The following CUBN variants were observed in gnomAD, a reference collection of about 807,000 sequenced individuals.
CUBN encodes cubilin.
Under a neutral mutation model 405.3 loss-of-function variants are expected in CUBN, and 282 were observed. The ratio of observed to expected loss-of-function variants is 0.70; its 90% CI spans 0.63 to 0.77. The LOEUF (loss-of-function observed/expected upper bound fraction) is 0.77. CUBN is among the 30% of genes least tolerant of loss of function. The probability of loss-of-function intolerance (pLI) is 0.00; values close to 1 mark genes in which losing one functional copy is unlikely to be tolerated. For missense variants in CUBN, 4,514 were observed against 4,475.2 expected, an observed-to-expected ratio of 1.01 and a Z score of -0.25; for synonymous variants, 1,684 against 1,617.0, an observed-to-expected ratio of 1.04 and a Z score of -0.99.
intron 27 of CUBN, among the ~76,000 whole-genome samples, chr10:17,035,518 T>C (rs1834876636): frequency 6.6e-6 from 1 of 152,134 alleles, no homozygotes; most frequent in African/African-American, 2.4e-5. Flanking sequence ...AAGAGTCAAC[T>C]CTTTTCAATG....
In CUBN at chr10:16,956,381, C is replaced by T. The variant is rs1382537128; in HGVS notation, c.4696-1833G>A. 2.0e-5 allele frequency among the ~76,000 whole-genome samples: 3 copies of T among 151,506 alleles called. No homozygotes were observed. In the East Asian group the frequency reaches 5.8e-4, roughly 29 times the overall value. ...AACCTGATGACTGATTTTCATTCAA[C>T]AAAGATTGATTAAAAACTAAATTCC... On this transcript the variant is annotated intron_variant, in intron 31 of 66. Transcript: ENST00000377833.
At chr10:17,004,089 C>T (rs1164479113) in intron 28 of CUBN, among the ~76,000 whole-genome samples, 5 of 152,186 alleles carry the variant, frequency 3.3e-5, no homozygotes, top group African/African-American at 1.2e-4. Flanking sequence ...CTTATCCAGG[C>T]ACCATCTGTC....
intron 60 of CUBN, among the ~76,000 whole-genome samples, chr10:16,842,873 T>C (rs1839395699): frequency 6.6e-6 from 1 of 152,250 alleles, no homozygotes; most frequent in Admixed American, 6.5e-5. Flanking sequence ...AGGACTCCTG[T>C]CCACAGCCCT....
intron 9 of CUBN, 76 bp from the exon 10 acceptor site, chr10:17,109,811 TATC>T: frequency 8.9e-7 from 1 of 1,128,048 alleles, no homozygotes; most frequent in Admixed American, 1.7e-5. Flanking sequence ...AGGATTCAAA[TATC>T]ATGAAATGGA....
chr10:17,121,841 T>A (rs1837048378), intron 6 of CUBN: 1 of 152,194 alleles, frequency 6.6e-6, no homozygotes, highest in African/African-American at 2.4e-5. Flanking sequence ...AAATAATTGC[T>A]CTTCAATCCA....
chr10:16,894,204 A>G (rs1212624192), intron 54 of CUBN, among the ~76,000 whole-genome samples: 1 of 152,114 alleles, frequency 6.6e-6, no homozygotes, highest in African/African-American at 2.4e-5. Flanking sequence ...TAAGATTTTT[A>G]ATTTAAATGG....
At chr10:16,848,994 G>A (rs1027134214) in intron 60 of CUBN, among the ~76,000 whole-genome samples, 7 of 151,934 alleles carry the variant, frequency 4.6e-5, no homozygotes, top group Non-Finnish European at 7.4e-5. Context: ...GTGAGTCACC[G>A]CACTCGGCCG....
Position 17,102,534 on chromosome 10 carries a change from G to GC in CUBN, c.1530+590dup, listed in dbSNP as rs1212149702. 2.7e-5 allele frequency among the ~76,000 whole-genome samples: 4 copies of GC among 148,280 alleles called. No individual in the cohort carries two copies. In the East Asian group the frequency reaches 8.0e-4, roughly 29 times the overall value. On this transcript the variant is annotated intron_variant, in intron 13 of 66. Transcript: ENST00000377833. ...ATTCCTGACCTCAGGCAATGTGCCC[G>GC]CCTCAGCCTCATAAAGTACTAGGAT...
In CUBN at chr10:16,946,859, G is replaced by A. The variant is rs12245146; in HGVS notation, c.5342+376C>T. Among the ~76,000 whole-genome samples the A allele has an allele frequency of 7.0e-3, 1,058 of 152,132 alleles. 14 individuals are homozygous for A. The highest frequency in any genetic ancestry group is 0.025 in the African/African-American group (1,022 of 41,512). On this transcript the variant is annotated intron_variant, in intron 36 of 66. Transcript: ENST00000377833. ...ATTGAGGTAGGGATAAGATAAAAGC[G>A]TAAAGAATGCTTAATTGAGATGGGA...
chr10:17,102,595 C>CTTTTTT (rs11357524), intron 13 of CUBN, among the ~76,000 whole-genome samples: 1 of 63,116 alleles, frequency 1.6e-5, no homozygotes, highest in Admixed American at 2.1e-4. Flanking sequence ...CCTTGTTACT[C>CTTTTTT]TTTTTTTTTT....
At chr10:17,118,356 C>T (rs1392945906) in intron 6 of CUBN, among the ~76,000 whole-genome samples, 1 of 152,212 alleles carries the variant, frequency 6.6e-6, no homozygotes, top group Non-Finnish European at 1.5e-5. Context: ...CCGACTCCTG[C>T]ACCATTGTTC....
At chr10:16,993,357 G>A (rs1398301536) in intron 28 of CUBN, among the ~76,000 whole-genome samples, 1 of 152,140 alleles carries the variant, frequency 6.6e-6, no homozygotes, top group Non-Finnish European at 1.5e-5. Flanking sequence ...ATAAAACTCT[G>A]TGTAACATTT....
At chr10:16,930,313 C>T (rs1205260779) in intron 40 of CUBN, among the ~76,000 whole-genome samples, 1 of 152,172 alleles carries the variant, frequency 6.6e-6, no homozygotes, top group African/African-American at 2.4e-5. Flanking sequence ...TTTATGTTCA[C>T]AGTGACACTA....
At chr10:16,883,699 T>A (rs1298895716) in intron 56 of CUBN, among the ~76,000 whole-genome samples, 1 of 152,216 alleles carries the variant, frequency 6.6e-6, no homozygotes, top group Non-Finnish European at 1.5e-5. Context: ...CAAGAGAATT[T>A]AGGCAAATAT....
At chr10:16,868,762 T>C (rs1840259835) in intron 59 of CUBN, among the ~76,000 whole-genome samples, 1 of 152,172 alleles carries the variant, frequency 6.6e-6, no homozygotes, top group Admixed American at 6.5e-5. Flanking sequence ...CACCTAACTT[T>C]ACCTACCCCC....
At position 16,874,471 on chromosome 10, in the gene CUBN, T is replaced by C. The variant is rs376118603; in HGVS notation, c.9139A>G (p.Ile3047Val). The C allele has an allele frequency of 9.4e-5, 152 of 1,614,008 alleles. No homozygotes were observed. The highest frequency in any genetic ancestry group is 1.2e-4 in the Non-Finnish European group (145 of 1,180,006). Residue 3047 changes from isoleucine to valine, a missense_variant, in exon 58 of 67, where the codon ATC becomes GTC. This residue lies in a region of CUBN where 1,186 missense variants were observed against 1,186.9 expected (regional missense o/e 1.00). Coordinates refer to ENST00000377833, the MANE Select transcript of CUBN (RefSeq NM_001081.4). ...TATGAATAGGCAGGACTTGTGATGA[T>C]TCCAGAAGAGAAATTGAACACACCA... ...CGGVFNFSSG[I>V]ITSPAYSYAD...
At chr10:17,069,149 A>G (rs1014697901) in intron 19 of CUBN, among the ~76,000 whole-genome samples, 1 of 152,150 alleles carries the variant, frequency 6.6e-6, no homozygotes, top group Non-Finnish European at 1.5e-5. Context: ...ATGCCTTGTA[A>G]TATTCCACTG....
chr10:16,944,546 T>C (rs1842730400), intron 36 of CUBN, among the ~76,000 whole-genome samples: 1 of 152,196 alleles, frequency 6.6e-6, no homozygotes, highest in African/African-American at 2.4e-5. Flanking sequence ...CAAGCATCCA[T>C]CTGGATAGAA....
intron 6 of CUBN, among the ~76,000 whole-genome samples, chr10:17,121,203 T>C (rs560233924): frequency 7.2e-5 from 11 of 152,296 alleles, no homozygotes; most frequent in Middle Eastern, 3.4e-3. Flanking sequence ...TAGACATATC[T>C]AGTAGAAGTT....
Sources: allele counts gnomAD v4.1 joint callset (sites outside exome capture counted in the v4.1 genomes callset), GRCh38; gene constraint gnomAD v4.1.1; regional missense constraint gnomAD v4.1.1; transcripts MANE v1.5; gene names NCBI Gene and HGNC (gene_info 2026-07-23, HGNC 2026-07-21).